ESRRG: variants seen among roughly 807,000 people sequenced by gnomAD.
ESRRG encodes the protein estrogen-related receptor gamma.
In ESRRG, 13 loss-of-function variants were observed where a neutral mutation model predicts 44.0. That is an observed-to-expected ratio of 0.30 (90% CI 0.19 to 0.47). The LOEUF is 0.47. ESRRG is among the 20% of genes least tolerant of loss of function. The probability of loss-of-function intolerance (pLI) is 1.00; values close to 1 mark genes in which losing one functional copy is unlikely to be tolerated. For synonymous variants in ESRRG, 215 were observed against 214.6 expected (o/e 1.00, Z -0.02); for missense variants, 395 against 580.6 (o/e 0.68, Z 3.29).
chr1:216,553,806 C>T (rs912522270), intron 5 of ESRRG, among the ~76,000 whole-genome samples: 2 of 151,728 alleles, frequency 1.3e-5, no homozygotes, highest in East Asian at 1.9e-4. Context: ...TCCTGACACT[C>T]GCTATAGGAA....
chr1:216,763,394 G>A (rs1365119453), intron 2 of ESRRG, among the ~76,000 whole-genome samples: 1 of 152,026 alleles, frequency 6.6e-6, no homozygotes, highest in Non-Finnish European at 1.5e-5. Context: ...TAGTTATACT[G>A]ATTTTGAACC....
intron 1 of ESRRG, among the ~76,000 whole-genome samples, chr1:217,070,039 T>C (rs2090358542): frequency 6.6e-6 from 1 of 152,142 alleles, no homozygotes; most frequent in Admixed American, 6.5e-5. Context: ...CCCAAGTTCC[T>C]ATAAGTTGAT....
Position 216,576,682 on chromosome 1 carries a change from A to T in ESRRG, c.590-8584T>A, listed in dbSNP as rs1573376518. 1.3e-5 allele frequency among the ~76,000 whole-genome samples: 2 copies of T among 152,110 alleles called. 1 individual carries two copies. Among genetic ancestry groups the T allele is most frequent in the Admixed American group, 1.3e-4 (2 of 15,236 alleles). ...ATCATGTGCTAAATTTATAATCTGC[A>T]CTGGAGCTGAGATTGCAATGACAGA... On this transcript the variant is annotated intron_variant, in intron 3 of 6. Transcript: ENST00000408911.
chr1:216,675,517 G>T (rs1207759294), intron 2 of ESRRG, among the ~76,000 whole-genome samples: 3 of 152,124 alleles, frequency 2.0e-5, no homozygotes, highest in Non-Finnish European at 4.4e-5. Flanking sequence ...AAATTATGAA[G>T]GCTCCACATA....
chr1:216,968,162 T>C (rs2070853507), intron 1 of ESRRG, among the ~76,000 whole-genome samples: 1 of 152,212 alleles, frequency 6.6e-6, no homozygotes, highest in Non-Finnish European at 1.5e-5. Context: ...ATGTCTTTTA[T>C]AAATGTTTTC....
At chr1:217,059,697 C>T (rs2087931952) in intron 1 of ESRRG, among the ~76,000 whole-genome samples, 1 of 152,056 alleles carries the variant, frequency 6.6e-6, no homozygotes, top group South Asian at 2.1e-4. Flanking sequence ...AACCTGAGTC[C>T]AGTCCCAGGT....
At chr1:216,604,881 CTG>C (rs755429740) in intron 3 of ESRRG, among the ~76,000 whole-genome samples, 18 of 152,194 alleles carry the variant, frequency 1.2e-4, no homozygotes, top group Non-Finnish European at 1.8e-4. Flanking sequence ...ACCAAATACA[CTG>C]TAACATTTTT....
chr1:216,979,436 A>G (rs1300620124), intron 1 of ESRRG, among the ~76,000 whole-genome samples: 1 of 152,130 alleles, frequency 6.6e-6, no homozygotes, highest in African/African-American at 2.4e-5. Flanking sequence ...TGTCTTCTTC[A>G]CAAATATCCC....
chr1:217,035,826 G>C (rs2082784890), intron 1 of ESRRG, among the ~76,000 whole-genome samples: 1 of 152,076 alleles, frequency 6.6e-6, no homozygotes, highest in South Asian at 2.1e-4. Flanking sequence ...CCATTAATAA[G>C]AGTATGGATG....
At chr1:216,959,737 A>T (rs2068663833) in intron 1 of ESRRG, 1 of 152,044 alleles carries the variant, frequency 6.6e-6, no homozygotes, top group Admixed American at 6.6e-5. Context: ...AAAAACTGAG[A>T]CTGAGTGAGC....
chr1:216,867,806 G>C (rs2096192091), intron 2 of ESRRG, among the ~76,000 whole-genome samples: 1 of 151,946 alleles, frequency 6.6e-6, no homozygotes, highest in African/African-American at 2.4e-5. Flanking sequence ...TTGGTGTACA[G>C]CCCTATGAAT....
At chr1:216,723,516 A>G, upstream of ESRRG, 1 of 528,000 alleles carries the variant, frequency 1.9e-6, no homozygotes, top group Non-Finnish European at 3.4e-6. Context: ...CCACCGGCCC[A>G]GCCGCGCAGC....
chr1:217,043,266 T>G (rs538315926), intron 1 of ESRRG, among the ~76,000 whole-genome samples: 27 of 152,186 alleles, frequency 1.8e-4, no homozygotes, highest in African/African-American at 6.0e-4. Flanking sequence ...CCTCACCAAC[T>G]GCAGCTAAAT....
At chr1:216,678,950 A>T (rs2076565713) in intron 1 of ESRRG, among the ~76,000 whole-genome samples, 1 of 152,344 alleles carries the variant, frequency 6.6e-6, no homozygotes, top group Non-Finnish European at 1.5e-5. Flanking sequence ...TTACTTCAAA[A>T]TGAAGAAAAA....
intron 1 of ESRRG, among the ~76,000 whole-genome samples, chr1:217,104,205 G>A (rs2092559020): frequency 1.3e-5 from 2 of 152,186 alleles, no homozygotes; most frequent in South Asian, 4.1e-4. Context: ...GACTGTCTTT[G>A]TGTCTCTTGT....
At chr1:216,866,941 C>T (rs542224421) in intron 2 of ESRRG, among the ~76,000 whole-genome samples, 27 of 152,094 alleles carry the variant, frequency 1.8e-4, no homozygotes, top group Admixed American at 3.9e-4. Context: ...AAATATTTTA[C>T]ATTTCCCTAA....
intron 1 of ESRRG, among the ~76,000 whole-genome samples, chr1:216,704,955 T>A (rs2789722): frequency 0.84 from 128,469 of 152,170 alleles, 54,274 homozygotes; most frequent in South Asian, 0.91. Flanking sequence ...CTCTTCCTAG[T>A]CCACAATGAC....
upstream of ESRRG, among the ~76,000 whole-genome samples, chr1:216,727,051 CCTAT>C (rs1484820887): frequency 1.3e-5 from 2 of 152,104 alleles, no homozygotes; most frequent in African/African-American, 4.8e-5. Flanking sequence ...ATTTTTAGCT[CCTAT>C]CTTTCTTTTC....
chr1:216,810,867 G>A (rs1035222684), intron 2 of ESRRG, among the ~76,000 whole-genome samples: 6 of 149,212 alleles, frequency 4.0e-5, no homozygotes, highest in Admixed American at 6.7e-5. Context: ...TATATATAAC[G>A]TTATGATATA....
Sources: gnomAD v4.1 joint callset for allele counts (sites outside exome capture counted in the v4.1 genomes callset) on GRCh38, gnomAD v4.1.1 for gene constraint, MANE v1.5 for transcripts, NCBI Gene and HGNC (gene_info 2026-07-23, HGNC 2026-07-21) for gene names.